Variants in GABBR2 observed in about 807,000 individuals in gnomAD.
GABBR2 encodes G-protein coupled receptor 51.
GABBR2 carries 23 observed loss-of-function variants against 105.6 expected under a neutral mutation model. That is an observed-to-expected ratio of 0.22 (90% CI 0.16 to 0.31). The LOEUF is 0.31. Ranked by LOEUF, GABBR2 falls within the 10% of genes least tolerant of loss-of-function variation. GABBR2 has a pLI of 1.00. For synonymous variants in GABBR2, 478 were observed against 499.7 expected (o/e 0.96, Z 0.58); for missense variants, 734 against 1,245.5 (o/e 0.59, Z 6.18).
At chr9:98,494,174 C>T (rs1438124779) in intron 4 of GABBR2, among the ~76,000 whole-genome samples, 1 of 152,112 alleles carries the variant, frequency 6.6e-6, no homozygotes, top group Non-Finnish European at 1.5e-5. Flanking sequence ...CCTAAGCCTT[C>T]GAGAGAGTAC....
chr9:98,534,456 T>C (rs1480794725), intron 3 of GABBR2, among the ~76,000 whole-genome samples: 4 of 152,196 alleles, frequency 2.6e-5, no homozygotes, highest in Admixed American at 2.6e-4. Flanking sequence ...TTCTGGATGT[T>C]AATAAAAATA....
chr9:98,626,593 G>A (rs537120459), intron 1 of GABBR2, among the ~76,000 whole-genome samples: 6 of 152,170 alleles, frequency 3.9e-5, no homozygotes, highest in East Asian at 1.9e-4. Context: ...TCTGTACAAC[G>A]GGGATAACAA....
chr9:98,476,152 G>A (rs1206633573), intron 5 of GABBR2, among the ~76,000 whole-genome samples: 1 of 152,174 alleles, frequency 6.6e-6, no homozygotes, highest in Non-Finnish European at 1.5e-5. Context: ...CTTCACACAT[G>A]TGATAATTAA....
chr9:98,386,753 G>T (rs1292780516), intron 10 of GABBR2, among the ~76,000 whole-genome samples: 2 of 152,158 alleles, frequency 1.3e-5, no homozygotes, highest in Non-Finnish European at 2.9e-5. Flanking sequence ...ATTTTCCTTT[G>T]CATTCTCCAG....
chr9:98,347,211 T>C (rs1214840341), intron 13 of GABBR2, among the ~76,000 whole-genome samples: 2 of 152,230 alleles, frequency 1.3e-5, no homozygotes, highest in Non-Finnish European at 2.9e-5. Context: ...GTATAAGAAT[T>C]CTCTTTTTTC....
chr9:98,653,349 C>A (rs183744245), intron 1 of GABBR2, among the ~76,000 whole-genome samples: 3 of 152,274 alleles, frequency 2.0e-5, no homozygotes, highest in East Asian at 3.9e-4. Flanking sequence ...GCTATACAGA[C>A]AACGGGATCC....
chr9:98,655,205 C>A (rs1830162504), intron 1 of GABBR2, among the ~76,000 whole-genome samples: 1 of 152,062 alleles, frequency 6.6e-6, no homozygotes, highest in Non-Finnish European at 1.5e-5. Flanking sequence ...CAAGAGTGAA[C>A]CCTAATGTAC....
chr9:98,570,103 T>C (rs559098852), intron 2 of GABBR2, among the ~76,000 whole-genome samples: 56 of 152,272 alleles, frequency 3.7e-4, no homozygotes, highest in African/African-American at 1.3e-3. Context: ...TCTACACACA[T>C]AGAGTCAACA....
intron 1 of GABBR2, among the ~76,000 whole-genome samples, chr9:98,593,163 G>T (rs1459539003): frequency 6.6e-6 from 1 of 152,042 alleles, no homozygotes; most frequent in Non-Finnish European, 1.5e-5. Context: ...TTATTTTTAA[G>T]TGTACAACTC....
chr9:98,614,616 T>G (rs528855581), intron 1 of GABBR2, among the ~76,000 whole-genome samples: 105 of 152,316 alleles, frequency 6.9e-4, no homozygotes, highest in African/African-American at 2.3e-3. Context: ...TAGTATGATG[T>G]CTACATAAAG....
Position 98,306,449 on chromosome 9 carries a change from T to G in GABBR2, c.2005-104A>C. ...GTGGAGGGTTACTCAGGAGGTGGGCTGCAGGGAGGGAGGGTCGGGGGCCTT... is the reference window on the plus strand; with the variant it reads ...GTGGAGGGTTACTCAGGAGGTGGGCGGCAGGGAGGGAGGGTCGGGGGCCTT... On this transcript the variant is annotated intron_variant, in intron 14 of 18. Transcript: ENST00000259455. This position sits in a 1 kb window ranked among gnomAD's most constrained non-coding sequence, Gnocchi z 5.4. 6 of 510,570 alleles carry G rather than the reference T, an allele frequency of 1.2e-5. No individual in the cohort carries two copies. Among genetic ancestry groups the G allele is most frequent in the Non-Finnish European group, 1.9e-5 (5 of 263,140 alleles). The allele number at this position is 510,570 out of a possible 1,614,324, so 31.6% of individuals were successfully genotyped here.
chr9:98,624,350 A>G (rs1162636162), intron 1 of GABBR2, among the ~76,000 whole-genome samples: 1 of 151,916 alleles, frequency 6.6e-6, no homozygotes, highest in Non-Finnish European at 1.5e-5. Context: ...GGTCCTGTGG[A>G]CCTGCCTAGA....
chr9:98,454,047 G>A lies in GABBR2; in HGVS notation c.1170C>T (p.Tyr390=), dbSNP rs1215322893. The A allele has an allele frequency of 2.5e-6, 4 of 1,614,234 alleles. No homozygotes were observed. In the Admixed American group the frequency reaches 6.7e-5, roughly 27 times the overall value. The change falls in exon 7 of 19, where the codon TAC becomes TAT. Residue 390 remains tyrosine (Y), a synonymous_variant. Coordinates refer to ENST00000259455, the MANE Select transcript of GABBR2 (RefSeq NM_005458.8). This position sits in a 1 kb window ranked among gnomAD's most constrained non-coding sequence, Gnocchi z 4.6. ...SRHQRIQDFN[Y]TDHTLGRIIL... ...TGATCCTGCCCAGCGTGTGGTCCGT[G>A]TAGTTGAAGTCCTGGATCCGCTGGT...
intron 2 of GABBR2, among the ~76,000 whole-genome samples, chr9:98,545,952 C>T (rs558802752): frequency 6.6e-6 from 1 of 152,270 alleles, no homozygotes; most frequent in African/African-American, 2.4e-5. Context: ...TTTCGCATAA[C>T]CAAGTTTGTT....
In GABBR2 at chr9:98,394,158, A is replaced by C. The variant is rs943033877; in HGVS notation, c.1378+17T>G. Reference sequence around the variant, plus strand: ...AACTGGGCAGGCCCCCTCCTCTGAGAAGCCCACCTGCCTTACCTTGGAACC... The same window carrying C: ...AACTGGGCAGGCCCCCTCCTCTGAGCAGCCCACCTGCCTTACCTTGGAACC... On this transcript the variant is annotated intron_variant, in intron 9 of 18. Coordinates refer to ENST00000259455, the MANE Select transcript of GABBR2 (RefSeq NM_005458.8). 6.3e-7 allele frequency: 1 copy of C among 1,592,062 alleles called. No individual in the cohort carries two copies. Among genetic ancestry groups the C allele is most frequent in the Non-Finnish European group, 8.6e-7 (1 of 1,160,260 alleles).
chr9:98,387,517 G>A (rs1832095372), intron 10 of GABBR2, among the ~76,000 whole-genome samples: 1 of 152,096 alleles, frequency 6.6e-6, no homozygotes, highest in East Asian at 1.9e-4. Flanking sequence ...TTTTTTTGTG[G>A]CAGTATATGT....
intron 2 of GABBR2, among the ~76,000 whole-genome samples, chr9:98,565,828 C>T (rs1013892631): frequency 3.3e-5 from 5 of 152,188 alleles, no homozygotes; most frequent in African/African-American, 1.2e-4. Context: ...GCCTGAGACG[C>T]GTACCCGGTA....
At chr9:98,309,714 T>C (rs1830607510) in intron 14 of GABBR2, among the ~76,000 whole-genome samples, 1 of 152,168 alleles carries the variant, frequency 6.6e-6, no homozygotes, top group African/African-American at 2.4e-5. Context: ...TATTTCTATA[T>C]TGGGTACCTC....
At chr9:98,618,552 G>C (rs530788778) in intron 1 of GABBR2, among the ~76,000 whole-genome samples, 1 of 148,598 alleles carries the variant, frequency 6.7e-6, no homozygotes, top group East Asian at 2.0e-4. Flanking sequence ...CTCTTTCTCT[G>C]AATATTTCTG....
Sources: gnomAD v4.1 joint callset for allele counts (sites outside exome capture counted in the v4.1 genomes callset) on GRCh38, gnomAD v4.1.1 for gene constraint, Gnocchi (gnomAD v3.1) non-coding constraint, MANE v1.5 for transcripts, NCBI Gene and HGNC (gene_info 2026-07-23, HGNC 2026-07-21) for gene names.